The following ADAMTSL3 variants were observed in gnomAD, a reference collection of about 807,000 sequenced individuals.
The protein encoded by ADAMTSL3 is ADAMTS like 3, also known as ADAMTS-like protein 3.
In ADAMTSL3, 128 loss-of-function variants were observed where a neutral mutation model predicts 201.7. That is an observed-to-expected ratio of 0.63 (90% CI 0.55 to 0.73). The LOEUF is 0.73. Ranked by LOEUF, ADAMTSL3 falls within the 30% of genes least tolerant of loss-of-function variation. The pLI, the probability that ADAMTSL3 is intolerant of heterozygous loss-of-function variation, is 0.00. For synonymous variants in ADAMTSL3, 738 were observed against 748.4 expected, an observed-to-expected ratio of 0.99 and a Z score of 0.23; for missense variants, 1,990 against 2,119.6, an observed-to-expected ratio of 0.94 and a Z score of 1.20.
intron 21 of ADAMTSL3, among the ~76,000 whole-genome samples, chr15:83,986,161 A>G (rs974193308): frequency 6.6e-6 from 1 of 152,164 alleles, no homozygotes; most frequent in African/African-American, 2.4e-5. Flanking sequence ...TTGACTTCAT[A>G]GACTTCTGGG....
At chr15:84,033,992 A>G (rs2068453575) in intron 28 of ADAMTSL3, among the ~76,000 whole-genome samples, 1 of 152,148 alleles carries the variant, frequency 6.6e-6, no homozygotes, top group South Asian at 2.1e-4. Context: ...GGTGAGTCAG[A>G]GTGGCAGGGA....
At chr15:84,009,075 T>C (rs887035170) in intron 23 of ADAMTSL3, among the ~76,000 whole-genome samples, 1 of 152,222 alleles carries the variant, frequency 6.6e-6, no homozygotes, top group Non-Finnish European at 1.5e-5. Context: ...GGTTCCTCAC[T>C]GGTCTCCCTG....
intron 6 of ADAMTSL3, among the ~76,000 whole-genome samples, chr15:83,837,708 G>A (rs1480020879): frequency 2.6e-5 from 4 of 151,214 alleles, no homozygotes; most frequent in African/African-American, 9.7e-5. Context: ...AGGCTGAGGT[G>A]GGAGGATCAC....
chr15:83,822,490 G>A (rs1248093608), intron 6 of ADAMTSL3, among the ~76,000 whole-genome samples: 31 of 142,462 alleles, frequency 2.2e-4, no homozygotes, highest in Non-Finnish European at 4.5e-5. Context: ...GGGCGGCCGG[G>A]CAGAGACGCT....
intron 16 of ADAMTSL3, 24 bp from the exon 17 acceptor site, chr15:83,923,880 T>C (rs750023008): frequency 7.4e-6 from 12 of 1,612,372 alleles, no homozygotes; most frequent in African/African-American, 1.3e-5. Flanking sequence ...GTCATTTGCA[T>C]TTTTTCCTCT....
chr15:84,038,715 T>C lies in ADAMTSL3; in HGVS notation c.*909T>C, dbSNP rs2068552620. ...GTAATCCAAATAAGAAACACGATAGTTGAAAATAATTTTTATAGTAAATAA... is the reference window on the plus strand; with the variant it reads ...GTAATCCAAATAAGAAACACGATAGCTGAAAATAATTTTTATAGTAAATAA... On this transcript the variant is annotated 3_prime_UTR_variant, in exon 30 of 30. Transcript: ENST00000286744. 6.6e-6 allele frequency: 1 copy of C among 152,560 alleles called. No individual in the cohort carries two copies. Among genetic ancestry groups the C allele is most frequent in the Non-Finnish European group, 1.5e-5 (1 of 68,044 alleles). 9.5% of individuals were successfully genotyped at this position (152,560 alleles called of 1,614,324 possible). A position where few individuals can be genotyped will look rare whatever the true frequency, so the allele number is the denominator to read the frequency against.
At chr15:83,830,500 G>T (rs377112983) in intron 6 of ADAMTSL3, among the ~76,000 whole-genome samples, 3 of 152,214 alleles carry the variant, frequency 2.0e-5, no homozygotes, top group East Asian at 3.8e-4. Context: ...CTTCAGAGAA[G>T]TCAAGAGCAG....
chr15:83,685,907 C>G (rs2061529948), intron 2 of ADAMTSL3, among the ~76,000 whole-genome samples: 1 of 152,122 alleles, frequency 6.6e-6, no homozygotes, highest in South Asian at 2.1e-4. Flanking sequence ...AAGTGAGGCC[C>G]CAGGAATATG....
At chr15:83,662,305 C>T (rs961637699) in intron 2 of ADAMTSL3, among the ~76,000 whole-genome samples, 3 of 143,184 alleles carry the variant, frequency 2.1e-5, no homozygotes, top group Admixed American at 7.1e-5. Context: ...TCATCATTCT[C>T]AGTAAACTAT....
chr15:83,748,439 G>C (rs1047418978), intron 3 of ADAMTSL3, among the ~76,000 whole-genome samples: 10 of 152,042 alleles, frequency 6.6e-5, no homozygotes, highest in Admixed American at 2.0e-4. Context: ...CTTGAGCTCA[G>C]GAGTTTGAGA....
At chr15:83,840,121 G>A (rs769896648) in intron 7 of ADAMTSL3, among the ~76,000 whole-genome samples, 12 of 152,172 alleles carry the variant, frequency 7.9e-5, no homozygotes, top group African/African-American at 2.7e-4. Flanking sequence ...AGGAAAAGCT[G>A]AAGTCAAAGC....
chr15:83,799,481 C>T (rs1372126966), intron 4 of ADAMTSL3, among the ~76,000 whole-genome samples: 2 of 152,090 alleles, frequency 1.3e-5, no homozygotes, highest in Non-Finnish European at 2.9e-5. Context: ...TCATGGGAAA[C>T]ACAGGTTTAA....
intron 4 of ADAMTSL3, among the ~76,000 whole-genome samples, chr15:83,779,871 T>C (rs1201863953): frequency 6.6e-6 from 1 of 152,144 alleles, no homozygotes; most frequent in African/African-American, 2.4e-5. Flanking sequence ...CAAGAAGTTA[T>C]TTGAAACTAA....
chr15:83,966,835 G>C (rs946931752), intron 19 of ADAMTSL3, among the ~76,000 whole-genome samples: 3 of 152,088 alleles, frequency 2.0e-5, no homozygotes, highest in African/African-American at 7.2e-5. Context: ...TATCCACCAC[G>C]ATCAAGTCAG....
chr15:83,699,347 A>G (rs866111207), intron 2 of ADAMTSL3, among the ~76,000 whole-genome samples: 3 of 152,120 alleles, frequency 2.0e-5, no homozygotes, highest in Non-Finnish European at 4.4e-5. Flanking sequence ...CAATTCCTTT[A>G]CAGCCATTGC....
chr15:83,845,107 AC>A (rs1356253235), intron 7 of ADAMTSL3, among the ~76,000 whole-genome samples: 2 of 152,214 alleles, frequency 1.3e-5, no homozygotes, highest in African/African-American at 4.8e-5. Context: ...CAACGTAGTT[AC>A]CTCTTTCTCA....
intron 2 of ADAMTSL3, among the ~76,000 whole-genome samples, chr15:83,688,339 C>T (rs1432169548): frequency 6.6e-6 from 1 of 152,132 alleles, no homozygotes; most frequent in Non-Finnish European, 1.5e-5. Context: ...CACAATGAAA[C>T]AGCAAAGTGT....
At chr15:83,685,681 A>G (rs778243060) in intron 2 of ADAMTSL3, among the ~76,000 whole-genome samples, 2 of 152,166 alleles carry the variant, frequency 1.3e-5, no homozygotes, top group Non-Finnish European at 2.9e-5. Context: ...GCCACATTCT[A>G]ACTGTTATAT....
intron 20 of ADAMTSL3, among the ~76,000 whole-genome samples, chr15:83,978,783 A>G (rs900236679): frequency 6.6e-6 from 1 of 152,226 alleles, no homozygotes; most frequent in Non-Finnish European, 1.5e-5. Flanking sequence ...AGCAATGGCC[A>G]AAGCAGAGTT....
Sources: gnomAD v4.1 joint callset for allele counts (sites outside exome capture counted in the v4.1 genomes callset) on GRCh38, gnomAD v4.1.1 for gene constraint, MANE v1.5 for transcripts, NCBI Gene and HGNC (gene_info 2026-07-23, HGNC 2026-07-21) for gene names.